Variants in SUSD6 observed in about 807,000 individuals in gnomAD.
SUSD6 encodes the protein sushi domain containing 6.
A neutral mutation model predicts 28.4 loss-of-function variants in SUSD6; 16 were observed. The ratio of observed to expected loss-of-function variants is 0.56; its 90% CI spans 0.38 to 0.86. The LOEUF (loss-of-function observed/expected upper bound fraction) is 0.86. Among genes scored for constraint, SUSD6 ranks in the 40% least tolerant of loss-of-function variants. SUSD6 has a pLI of 0.00. For missense variants in SUSD6, 341 were observed against 384.2 expected (o/e 0.89, Z 0.94); for synonymous variants, 147 against 159.6 (o/e 0.92, Z 0.59).
chr14:69,696,394 CAG>C (rs1383609513), intron 2 of SUSD6, among the ~76,000 whole-genome samples: 1 of 152,218 alleles, frequency 6.6e-6, no homozygotes, highest in Non-Finnish European at 1.5e-5. Flanking sequence ...CCAAAACAAA[CAG>C]AACTATACAT....
At chr14:69,704,537 G>A (rs1886358783) in intron 3 of SUSD6, 67 bp from the exon 4 acceptor site, 2 of 1,517,922 alleles carry the variant, frequency 1.3e-6, no homozygotes, top group South Asian at 1.3e-5. Context: ...AAGATCAGCT[G>A]TGGGGCCCAT....
At position 69,711,043 on chromosome 14, in the gene SUSD6, A is replaced by G. The variant is rs117926958; in HGVS notation, c.*64A>G. 6 of 1,542,652 alleles carry G rather than the reference A, an allele frequency of 3.9e-6. No individual in the cohort carries two copies. In the East Asian group the frequency reaches 1.3e-4, roughly 35 times the overall value. On this transcript the variant is annotated 3_prime_UTR_variant, in exon 6 of 6. Transcript: ENST00000342745. Reference sequence around the variant, plus strand: ...AGCCCTTCCTCCCTCTCCCTGTGGGATTGAGCACCCTGTACTCTCCAGCCA... The same window carrying G: ...AGCCCTTCCTCCCTCTCCCTGTGGGGTTGAGCACCCTGTACTCTCCAGCCA...
chr14:69,665,143 TC>T (rs990304939), intron 2 of SUSD6, among the ~76,000 whole-genome samples: 7 of 152,200 alleles, frequency 4.6e-5, no homozygotes, highest in Admixed American at 6.5e-5. Flanking sequence ...AATGAGGAGT[TC>T]CCTGGCTGCT....
intron 1 of SUSD6, among the ~76,000 whole-genome samples, chr14:69,638,265 G>A (rs1182097471): frequency 6.6e-6 from 1 of 152,102 alleles, no homozygotes; most frequent in Non-Finnish European, 1.5e-5. Flanking sequence ...GCAGGGATGG[G>A]CTGAATCACT....
At chr14:69,665,625 G>A (rs1046742835) in intron 2 of SUSD6, among the ~76,000 whole-genome samples, 1 of 152,158 alleles carries the variant, frequency 6.6e-6, no homozygotes, top group Admixed American at 6.5e-5. Flanking sequence ...GGTGGAGTGG[G>A]ATTCAATTCA....
chr14:69,699,388 G>A (rs919956636), intron 2 of SUSD6, among the ~76,000 whole-genome samples: 1 of 152,042 alleles, frequency 6.6e-6, no homozygotes, highest in Admixed American at 6.5e-5. Flanking sequence ...ATTTGTAGTA[G>A]AGATGGGGAT....
At chr14:69,614,814 A>G (rs1884935218) in intron 1 of SUSD6, among the ~76,000 whole-genome samples, 1 of 152,222 alleles carries the variant, frequency 6.6e-6, no homozygotes, top group Non-Finnish European at 1.5e-5. Flanking sequence ...GCCAGAGGGC[A>G]CACGTGGTTG....
chr14:69,694,929 C>T (rs1886203504), intron 2 of SUSD6, among the ~76,000 whole-genome samples: 2 of 152,168 alleles, frequency 1.3e-5, no homozygotes, highest in African/African-American at 4.8e-5. Context: ...CGAGAAGAGC[C>T]ACAGGAGGTA....
intron 2 of SUSD6, among the ~76,000 whole-genome samples, chr14:69,669,478 A>G (rs1885798058): frequency 6.6e-6 from 1 of 152,214 alleles, no homozygotes; most frequent in Non-Finnish European, 1.5e-5. Context: ...TGCTGGCTGT[A>G]AACATATCCT....
At chr14:69,685,211 GT>G (rs1162066610) in intron 2 of SUSD6, among the ~76,000 whole-genome samples, 1 of 152,218 alleles carries the variant, frequency 6.6e-6, no homozygotes, top group Non-Finnish European at 1.5e-5. Context: ...GGTTTTTCAA[GT>G]GAAGGGCTGC....
intron 5 of SUSD6, 29 bp from the exon 6 acceptor site, chr14:69,710,925 A>G: frequency 6.2e-7 from 1 of 1,613,012 alleles, no homozygotes; most frequent in Non-Finnish European, 8.5e-7. Flanking sequence ...CAAGGTAACC[A>G]CTGTGCTTTT....
chr14:69,643,689 C>T (rs1595039046), intron 1 of SUSD6, among the ~76,000 whole-genome samples: 1 of 152,208 alleles, frequency 6.6e-6, no homozygotes, highest in Admixed American at 6.5e-5. Context: ...CATTAAGTCT[C>T]TGTGTGTGGG....
At chr14:69,708,317 C>T (rs925016262) in intron 4 of SUSD6, among the ~76,000 whole-genome samples, 4 of 152,158 alleles carry the variant, frequency 2.6e-5, no homozygotes, top group Non-Finnish European at 5.9e-5. Flanking sequence ...ATTTCTGGGT[C>T]TCTAGGCTCC....
chr14:69,713,089 C>T lies in SUSD6; in HGVS notation c.*2110C>T, dbSNP rs907414715. The T allele has an allele frequency of 1.3e-5, 2 of 152,150 alleles. No homozygotes were observed. Among genetic ancestry groups the T allele is most frequent in the Non-Finnish European group, 2.9e-5 (2 of 68,030 alleles). 9.4% of individuals were successfully genotyped at this position (152,150 alleles called of 1,614,324 possible). A position where few individuals can be genotyped will look rare whatever the true frequency, so the allele number is the denominator to read the frequency against. ...TTTTATTTTTCACTGTTTCAAAACC[C>T]GCATTCTATTCTAGAATGGTTTTTA... is the stretch of plus-strand genomic sequence containing the variant. On this transcript the variant is annotated 3_prime_UTR_variant, in exon 6 of 6. Coordinates refer to ENST00000342745, the MANE Select transcript of SUSD6 (RefSeq NM_014734.4).
intron 1 of SUSD6, among the ~76,000 whole-genome samples, chr14:69,624,530 G>A (rs1420553455): frequency 6.7e-6 from 1 of 149,034 alleles, no homozygotes; most frequent in Non-Finnish European, 1.5e-5. Context: ...TCGGCTCACC[G>A]CAACCTCTGC....
At chr14:69,649,691 CTG>C (rs1268574465) in intron 1 of SUSD6, among the ~76,000 whole-genome samples, 1 of 152,152 alleles carries the variant, frequency 6.6e-6, no homozygotes, top group Admixed American at 6.5e-5. Flanking sequence ...AGTTAAATAA[CTG>C]TGAGTGGCCT....
chr14:69,614,148 A>G (rs1039489212), intron 1 of SUSD6, among the ~76,000 whole-genome samples: 1 of 152,128 alleles, frequency 6.6e-6, no homozygotes, highest in African/African-American at 2.4e-5. Flanking sequence ...GCTCACTGCA[A>G]CCTTCACCTC....
At chr14:69,698,807 G>A (rs925049466) in intron 2 of SUSD6, among the ~76,000 whole-genome samples, 2 of 152,232 alleles carry the variant, frequency 1.3e-5, no homozygotes, top group African/African-American at 2.4e-5. Context: ...GAAAGCCTAT[G>A]TGGCTGTGGG....
chr14:69,655,610 G>A (rs1037471049), intron 1 of SUSD6, among the ~76,000 whole-genome samples: 2 of 151,614 alleles, frequency 1.3e-5, no homozygotes, highest in Non-Finnish European at 2.9e-5. Context: ...CAGCCTGGGC[G>A]ACATAGTGAG....
Sources: gnomAD v4.1 joint callset for allele counts (sites outside exome capture counted in the v4.1 genomes callset) on GRCh38, gnomAD v4.1.1 for gene constraint, MANE v1.5 for transcripts, NCBI Gene and HGNC (gene_info 2026-07-23, HGNC 2026-07-21) for gene names.